VPS52: variants seen among roughly 807,000 people sequenced by gnomAD.
The protein encoded by VPS52 is vacuolar protein sorting-associated protein 52 homolog.
In VPS52, 56 loss-of-function variants were observed where a neutral mutation model predicts 98.7. The ratio of observed to expected loss-of-function variants is 0.57; its 90% CI spans 0.46 to 0.71. VPS52 has a LOEUF of 0.71. VPS52 is among the 30% of genes least tolerant of loss of function. The probability of loss-of-function intolerance (pLI) is 0.00; values close to 1 mark genes in which losing one functional copy is unlikely to be tolerated. For synonymous variants in VPS52, 348 were observed against 346.4 expected, an observed-to-expected ratio of 1.00 and a Z score of -0.05; for missense variants, 742 against 925.9, an observed-to-expected ratio of 0.80 and a Z score of 2.58.
intron 12 of VPS52, among the ~76,000 whole-genome samples, chr6:33,265,427 T>C (rs940554853): frequency 1.3e-5 from 2 of 152,124 alleles, no homozygotes; most frequent in Non-Finnish European, 2.9e-5. Context: ...ATTGTAATGG[T>C]ACAATCATAG....
chr6:33,261,991 GATCGCACC>G (rs1763679493), intron 17 of VPS52, among the ~76,000 whole-genome samples: 1 of 120,400 alleles, frequency 8.3e-6, no homozygotes, highest in Non-Finnish European at 1.6e-5. Context: ...GGTGAGCTGA[GATCGCACC>G]ATCGCACTCC....
At chr6:33,270,384 T>G in intron 1 of VPS52, 101 bp from the exon 2 acceptor site, 1 of 1,088,410 alleles carries the variant, frequency 9.2e-7, no homozygotes, top group Non-Finnish European at 1.3e-6. Flanking sequence ...GAGCTGCTTT[T>G]ACTGGGAGCC....
chr6:33,254,058 CAGAA>C (rs1323549799), intron 17 of VPS52, among the ~76,000 whole-genome samples: 1 of 151,978 alleles, frequency 6.6e-6, no homozygotes, highest in Non-Finnish European at 1.5e-5. Flanking sequence ...ACAACCCAGA[CAGAA>C]AGATCTGGTA....
intron 17 of VPS52, among the ~76,000 whole-genome samples, chr6:33,259,782 GA>G (rs1170678810): frequency 2.0e-5 from 3 of 150,708 alleles, no homozygotes; most frequent in East Asian, 1.9e-4. Context: ...AAAAAAAAAA[GA>G]AAAAAAATGG....
In VPS52 at chr6:33,268,565, C is replaced by T. The variant is rs1410775382; in HGVS notation, c.633G>A (p.Glu211=). 6.2e-6 allele frequency: 10 copies of T among 1,612,682 alleles called. No homozygotes were observed. The highest frequency in any genetic ancestry group is 5.1e-6 in the Non-Finnish European group (6 of 1,179,988). The stretch of plus-strand genomic sequence containing the variant: ...AGGCTGCTGTGCCTCTAGCTTCCTG[C>T]TCTCTGACTGCGGCTGCCTTGGCAT... ...ELDAKAAAVR[E]QEARGTAACA... Residue 211 remains glutamate (E), a synonymous_variant, in exon 7 of 20, where the codon GAG becomes GAA. Coordinates refer to ENST00000445902, the MANE Select transcript of VPS52 (RefSeq NM_022553.6). This position sits in a 1 kb window ranked among gnomAD's most constrained non-coding sequence, Gnocchi z 4.0.
intron 1 of VPS52, chr6:33,271,377 A>C (rs1562584148): frequency 1.4e-6 from 1 of 740,626 alleles, no homozygotes; most frequent in Non-Finnish European, 2.4e-6. Flanking sequence ...ATGTGGAGTG[A>C]AGTTGAAATT....
In VPS52 at chr6:33,250,387, C is replaced by T. The variant is rs191949307; in HGVS notation, c.*454G>A. On this transcript the variant is annotated 3_prime_UTR_variant, in exon 20 of 20. Coordinates refer to ENST00000445902, the MANE Select transcript of VPS52 (RefSeq NM_022553.6). ...GCTGAGATCTTAGGTCAAAAAGCTA[C>T]AGAAAAGAAATCACTTTGAAAAACA... 1,087 of 159,218 alleles carry T rather than the reference C, an allele frequency of 6.8e-3. 12 individuals carry two copies. The highest frequency in any genetic ancestry group is 0.039 in the Middle Eastern group (13 of 330). 9.9% of individuals were successfully genotyped at this position (159,218 alleles called of 1,614,324 possible).
chr6:33,264,136 C>T, intron 14 of VPS52, 33 bp from the exon 15 acceptor site: 1 of 1,609,604 alleles, frequency 6.2e-7, no homozygotes. Flanking sequence ...ATCACACCCA[C>T]CTCCTGGCCC....
intron 1 of VPS52, among the ~76,000 whole-genome samples, chr6:33,270,764 C>T (rs1202969940): frequency 4.6e-5 from 7 of 152,072 alleles, no homozygotes; most frequent in African/African-American, 1.7e-4. Flanking sequence ...TCCTGGCTAA[C>T]ACAGTGAAAC....
Position 33,250,906 on chromosome 6 carries a change from G to A in VPS52, c.2107C>T (p.Arg703Trp), listed in dbSNP as rs1421599855. 6 of 1,613,106 alleles carry A rather than the reference G, an allele frequency of 3.7e-6. No homozygotes were observed. The highest frequency in any genetic ancestry group is 1.6e-4 in the Middle Eastern group (1 of 6,062). ...TGGTGAATGTTGATGAGCTCAGCCC[G>A]GGCAGGGAGGGCTCGGAGCTGCGGC... ...SQPQLRALPA[R>W]AELINIHHLM... The change falls in exon 20 of 20, where the codon CGG becomes TGG. Residue 703 changes from arginine (R) to tryptophan (W), a missense_variant. Coordinates refer to ENST00000445902, the MANE Select transcript of VPS52 (RefSeq NM_022553.6).
In VPS52 at chr6:33,268,648, C is replaced by A; in HGVS notation, c.550G>T (p.Ala184Ser). 2.5e-6 allele frequency: 4 copies of A among 1,600,116 alleles called. No individual in the cohort carries two copies. Among genetic ancestry groups the A allele is most frequent in the East Asian group, 2.2e-5 (1 of 44,826 alleles). Reference sequence around the variant, plus strand: ...TCTGTCACTGGAGCCTCCAGAATTGCCCTGGTTAGCAGGGAGGGGTGGGAT... The same window carrying A: ...TCTGTCACTGGAGCCTCCAGAATTGACCTGGTTAGCAGGGAGGGGTGGGAT... ...GLVVPSALVT[A>S]ILEAPVTEPR... Residue 184 changes from alanine (A) to serine (S), a missense_variant and splice_region_variant, in exon 7 of 20, where the codon GCA becomes TCA. Ala to Ser is a moderately conservative substitution (Grantham distance 99). This residue lies in a region of VPS52 where 590 missense variants were observed against 793.3 expected (regional missense o/e 0.74). Transcript: ENST00000445902. This position sits in a 1 kb window ranked among gnomAD's most constrained non-coding sequence, Gnocchi z 4.0.
chr6:33,269,957 A>G, intron 3 of VPS52, 42 bp downstream of exon 3: 2 of 1,613,388 alleles, frequency 1.2e-6, no homozygotes, highest in Non-Finnish European at 1.7e-6. Context: ...CTTTTGGGGT[A>G]GAATAGATAG....
intron 14 of VPS52, 26 bp from the exon 15 acceptor site, chr6:33,264,129 A>C: frequency 1.9e-6 from 3 of 1,611,398 alleles, no homozygotes; most frequent in Non-Finnish European, 2.5e-6. Context: ...AAGGAAAATC[A>C]CACCCACCTC....
In VPS52 at chr6:33,267,303, G is replaced by A. The variant is rs377130721; in HGVS notation, c.1010C>T (p.Ser337Leu). ...GAAAATGGTGTTCCTGCTGCGGAGC[G>A]ATGGCTTTGAGAAGAATCGTAAGAT... The part of the protein sequence containing the change: ...TAKKGFFSKP[S>L]LRSRNTIFTL... The change falls in exon 11 of 20, where the codon TCG becomes TTG. Residue 337 changes from serine to leucine, a missense_variant. This residue lies in a region of VPS52 where 590 missense variants were observed against 793.3 expected (regional missense o/e 0.74). Coordinates refer to ENST00000445902, the MANE Select transcript of VPS52 (RefSeq NM_022553.6). This position sits in a 1 kb window ranked among gnomAD's most constrained non-coding sequence, Gnocchi z 4.2. The A allele has an allele frequency of 2.4e-5, 38 of 1,594,408 alleles. No homozygotes were observed. Among genetic ancestry groups the A allele is most frequent in the Middle Eastern group, 1.7e-4 (1 of 5,988 alleles).
chr6:33,262,769 A>G (rs1275130405), intron 17 of VPS52, among the ~76,000 whole-genome samples: 3 of 152,260 alleles, frequency 2.0e-5, no homozygotes, highest in Non-Finnish European at 4.4e-5. Context: ...TAAGCCAGGC[A>G]CAGAAAGACA....
Position 33,270,069 on chromosome 6 carries a change from T to C in VPS52, c.176-18A>G. 6.2e-7 allele frequency: 1 copy of C among 1,614,196 alleles called. No homozygotes were observed. Among genetic ancestry groups the C allele is most frequent in the Non-Finnish European group, 8.5e-7 (1 of 1,180,032 alleles). ...AATGTGAACTGGAAATAGAAGTTTA[T>C]CATAAGGGTCCAGCTCCACAGCTCC... On this transcript the variant is annotated intron_variant, in intron 2 of 19. Coordinates refer to ENST00000445902, the MANE Select transcript of VPS52 (RefSeq NM_022553.6).
chr6:33,263,931 C>T, intron 15 of VPS52, 52 bp from the exon 16 acceptor site: 1 of 1,613,362 alleles, frequency 6.2e-7, no homozygotes, highest in East Asian at 2.2e-5. Flanking sequence ...TCATCTGGGC[C>T]CCATCTGGCT....
At chr6:33,265,570 C>T (rs972704223) in intron 12 of VPS52, among the ~76,000 whole-genome samples, 1 of 152,040 alleles carries the variant, frequency 6.6e-6, no homozygotes, top group African/African-American at 2.4e-5. Context: ...CAAGGTCTTG[C>T]CGCATTGCCC....
rs1377812642 is a variant in VPS52 at position 33,264,092 on chromosome 6, G to T, written c.1536C>A (p.Arg512=). The T allele has an allele frequency of 1.2e-6, 2 of 1,614,156 alleles. No homozygotes were observed. The highest frequency in any genetic ancestry group is 2.2e-5 in the East Asian group (1 of 44,886). Reference sequence around the variant, plus strand: ...CAAGAGCGGAGGAGAACTCTGCATAGCGGCGTGTGATCTAGGAGAGAGTGG... The same window carrying T: ...CAAGAGCGGAGGAGAACTCTGCATATCGGCGTGTGATCTAGGAGAGAGTGG... The part of the protein sequence containing the change: ...LDTRPHYITR[R]YAEFSSALVS... The change falls in exon 15 of 20, where the codon CGC becomes CGA. Residue 512 remains arginine (R), a synonymous_variant. Transcript: ENST00000445902.
Sources: gnomAD v4.1 joint callset for allele counts (sites outside exome capture counted in the v4.1 genomes callset) on GRCh38, gnomAD v4.1.1 for gene constraint, gnomAD v4.1.1 regional missense constraint, Gnocchi (gnomAD v3.1) non-coding constraint, MANE v1.5 for transcripts, NCBI Gene and HGNC (gene_info 2026-07-23, HGNC 2026-07-21) for gene names.